CPNE3: variants seen among roughly 807,000 people sequenced by gnomAD.
CPNE3 encodes the protein copine 3, also known as copine-3.
In CPNE3, 68 loss-of-function variants were observed where a neutral mutation model predicts 63.9. The observed-to-expected ratio is 1.06, with a 90% CI of 0.87 to 1.30. The LOEUF (loss-of-function observed/expected upper bound fraction) is 1.30. Among genes scored for constraint, CPNE3 ranks in the 50% most tolerant of loss-of-function variants. CPNE3 has a pLI of 0.00. For synonymous variants in CPNE3, 219 were observed against 197.5 expected, an observed-to-expected ratio of 1.11 and a Z score of -0.91; for missense variants, 665 against 578.1, an observed-to-expected ratio of 1.15 and a Z score of -1.54.
rs750477201 is a variant in CPNE3, at chr8:86,537,500, T to C, written c.460-63T>C. 6.9e-5 allele frequency: 68 copies of C among 988,380 alleles called. No homozygotes were observed. In the Middle Eastern group the frequency reaches 8.3e-4, roughly 12 times the overall value. The allele number at this position is 988,380 out of a possible 1,614,324, so 61.2% of individuals were successfully genotyped here. ...GGTTGCCAACATGTGTAAAGTATGG[T>C]CACACATGGTTTCATGGGTTCAGAG... On this transcript the variant is annotated intron_variant, in intron 6 of 16. Coordinates refer to ENST00000517490, the MANE Select transcript of CPNE3 (RefSeq NM_003909.5).
chr8:86,547,642 T>C (rs1821082395), intron 10 of CPNE3, 69 bp from the exon 11 acceptor site: 3 of 742,700 alleles, frequency 4.0e-6, no homozygotes, highest in Non-Finnish European at 7.1e-6. Flanking sequence ...TAAAAATATA[T>C]GCCAAAGAGT....
Position 86,531,180 on chromosome 8 carries a change from G to T in CPNE3, c.338G>T (p.Arg113Leu), listed in dbSNP as rs745622693. 1 of 1,298,988 alleles carries T rather than the reference G, an allele frequency of 7.7e-7. No homozygotes were observed. The highest frequency in any genetic ancestry group is 1.2e-5 in the South Asian group (1 of 84,854). The allele number at this position is 1,298,988 out of a possible 1,614,324, so 80.5% of individuals were successfully genotyped here. A position where few individuals can be genotyped will look rare whatever the true frequency, so the allele number is the denominator to read the frequency against. The change falls in exon 5 of 17, where the codon CGA becomes CTA. Residue 113 changes from arginine (R) to leucine (L), a missense_variant. Arg to Leu is a moderately radical substitution (Grantham distance 102, BLOSUM62 -2). Coordinates refer to ENST00000517490, the MANE Select transcript of CPNE3 (RefSeq NM_003909.5). ...ATTGTTTCCAGCAAGAAGCTAACTC[G>T]ACCACTGGTGATGAAAACTGGCAGA... ...GQIVSSKKLT[R>L]PLVMKTGRPA... is the part of the protein sequence containing the mutation.
chr8:86,535,871 G>A (rs1001062788), intron 6 of CPNE3, among the ~76,000 whole-genome samples: 3 of 152,022 alleles, frequency 2.0e-5, no homozygotes, highest in Admixed American at 2.0e-4. Context: ...TCTTTAAGGT[G>A]TGTATATTCC....
At chr8:86,556,421 T>A in intron 16 of CPNE3, 83 bp downstream of exon 16, 2 of 815,196 alleles carry the variant, frequency 2.5e-6, no homozygotes, top group Non-Finnish European at 4.4e-6. Context: ...GTTGATTAGG[T>A]GTGCAGGGTT....
chr8:86,519,172 A>G (rs1002025972), intron 2 of CPNE3, among the ~76,000 whole-genome samples: 1 of 152,252 alleles, frequency 6.6e-6, no homozygotes, highest in Admixed American at 6.5e-5. Flanking sequence ...CAAAATGTAT[A>G]TACAGTAGCC....
chr8:86,547,952 C>T lies in CPNE3; in HGVS notation c.879+182C>T, dbSNP rs568250864. On this transcript the variant is annotated intron_variant, in intron 11 of 16. Coordinates refer to ENST00000517490, the MANE Select transcript of CPNE3 (RefSeq NM_003909.5). ...GCTCTCAGTTTTGTTGATGAGATCT[C>T]TTCCTCCTGAGAGAAAGCAGATGTA... Among the ~76,000 whole-genome samples the T allele has an allele frequency of 2.0e-5, 3 of 152,326 alleles. No homozygotes were observed. In the South Asian group the frequency reaches 6.2e-4, roughly 32 times the overall value.
intron 9 of CPNE3, among the ~76,000 whole-genome samples, chr8:86,546,165 A>AC (rs1563696663): frequency 1.3e-5 from 2 of 150,834 alleles, no homozygotes. Context: ...TTATGATGTT[A>AC]TTTTTTTTTC....
chr8:86,528,260 G>A (rs1409930897), intron 2 of CPNE3, among the ~76,000 whole-genome samples: 1 of 152,006 alleles, frequency 6.6e-6, no homozygotes, highest in African/African-American at 2.4e-5. Context: ...AAGAAGATTA[G>A]TATGTCTTAT....
intron 6 of CPNE3, among the ~76,000 whole-genome samples, chr8:86,535,432 G>A (rs900072773): frequency 1.2e-4 from 18 of 151,988 alleles, no homozygotes; most frequent in Admixed American, 3.9e-4. Flanking sequence ...CCAGCACTCT[G>A]GGAGGTGGGT....
At chr8:86,523,069 A>G (rs1820469795) in intron 2 of CPNE3, among the ~76,000 whole-genome samples, 1 of 152,264 alleles carries the variant, frequency 6.6e-6, no homozygotes, top group South Asian at 2.1e-4. Context: ...CAAGCCATCT[A>G]TGCTGAGACA....
In CPNE3 at chr8:86,560,097, G is replaced by T. The variant is rs1821405445; in HGVS notation, c.*1687G>T. On this transcript the variant is annotated 3_prime_UTR_variant, in exon 17 of 17. Coordinates refer to ENST00000517490, the MANE Select transcript of CPNE3 (RefSeq NM_003909.5). Reference sequence around the variant, plus strand: ...CCTTTGGATATGTGCTGTTAACTGGGGAAGGCATCTAACTAGTAGCCTGCT... The same window carrying T: ...CCTTTGGATATGTGCTGTTAACTGGTGAAGGCATCTAACTAGTAGCCTGCT... 6.6e-6 allele frequency: 1 copy of T among 152,234 alleles called. No individual in the cohort carries two copies. The highest frequency in any genetic ancestry group is 1.9e-4 in the East Asian group (1 of 5,172). 9.4% of individuals were successfully genotyped at this position (152,234 alleles called of 1,614,324 possible). A position where few individuals can be genotyped will look rare whatever the true frequency, so the allele number is the denominator to read the frequency against.
At chr8:86,522,611 A>G (rs1820461417) in intron 2 of CPNE3, among the ~76,000 whole-genome samples, 1 of 139,386 alleles carries the variant, frequency 7.2e-6, no homozygotes, top group Admixed American at 7.7e-5. Context: ...TCTGAGCAAC[A>G]CAATTTGAGA....
chr8:86,516,717 T>C (rs1052533595), intron 2 of CPNE3, among the ~76,000 whole-genome samples: 1 of 152,174 alleles, frequency 6.6e-6, no homozygotes, highest in Non-Finnish European at 1.5e-5. Context: ...GGCTTATCCA[T>C]TGTTTCCTTT....
intron 9 of CPNE3, among the ~76,000 whole-genome samples, chr8:86,546,094 A>G (rs1484556156): frequency 1.3e-5 from 2 of 152,128 alleles, no homozygotes; most frequent in Admixed American, 1.3e-4. Flanking sequence ...ATGTATTCCC[A>G]GTGGAAAGAG....
intron 2 of CPNE3, among the ~76,000 whole-genome samples, chr8:86,527,726 G>T (rs1043639418): frequency 6.6e-6 from 1 of 152,000 alleles, no homozygotes; most frequent in Non-Finnish European, 1.5e-5. Flanking sequence ...ATTGGGAGCT[G>T]GGGGTAGAGT....
chr8:86,527,714 A>G (rs971764344), intron 2 of CPNE3, among the ~76,000 whole-genome samples: 3 of 152,060 alleles, frequency 2.0e-5, no homozygotes, highest in Admixed American at 1.3e-4. Context: ...CTGCTGCAAA[A>G]TATTGGGAGC....
intron 4 of CPNE3, among the ~76,000 whole-genome samples, chr8:86,529,524 C>T (rs1820623374): frequency 1.3e-5 from 2 of 152,170 alleles, no homozygotes; most frequent in Non-Finnish European, 2.9e-5. Context: ...AATACCATCC[C>T]CTTTACCTGG....
intron 2 of CPNE3, among the ~76,000 whole-genome samples, chr8:86,516,599 A>G (rs918312784): frequency 6.6e-6 from 1 of 152,102 alleles, no homozygotes; most frequent in African/African-American, 2.4e-5. Flanking sequence ...TATGTTGCCC[A>G]GGCTGGTCTT....
chr8:86,555,952 T>C, intron 15 of CPNE3, 150 bp from the exon 16 acceptor site: 2 of 666,692 alleles, frequency 3.0e-6, no homozygotes, highest in Admixed American at 4.6e-5. Flanking sequence ...TTCCTTGTCA[T>C]CAGAGAAGCT....
Sources: allele counts gnomAD v4.1 joint callset (sites outside exome capture counted in the v4.1 genomes callset), GRCh38; gene constraint gnomAD v4.1.1; transcripts MANE v1.5; gene names NCBI Gene and HGNC (gene_info 2026-07-23, HGNC 2026-07-21).